SH3PXD2A: variants seen among roughly 807,000 people sequenced by gnomAD.
The protein encoded by SH3PXD2A is SH3 and PX domain-containing protein 2A.
A neutral mutation model predicts 115.2 loss-of-function variants in SH3PXD2A; 32 were observed. The observed-to-expected ratio is 0.28, with a 90% CI of 0.21 to 0.37. SH3PXD2A has a LOEUF of 0.37. Among genes scored for constraint, SH3PXD2A ranks in the 10% least tolerant of loss-of-function variants. The pLI is 1.00. For synonymous variants in SH3PXD2A, 610 were observed against 629.1 expected, an observed-to-expected ratio of 0.97 and a Z score of 0.45; for missense variants, 1,328 against 1,498.7, an observed-to-expected ratio of 0.89 and a Z score of 1.88.
intron 5 of SH3PXD2A, among the ~76,000 whole-genome samples, chr10:103,695,628 A>C (rs116236214): frequency 0.029 from 4,440 of 152,134 alleles, 213 homozygotes; most frequent in African/African-American, 0.1. Context: ...ATCATCTAGA[A>C]AGTGGTTAAA....
In SH3PXD2A at chr10:103,603,605, G is replaced by C. The variant is rs1318568970; in HGVS notation, c.1613C>G (p.Pro538Arg). 1 of 1,606,202 alleles carries C rather than the reference G, an allele frequency of 6.2e-7. No homozygotes were observed. The highest frequency in any genetic ancestry group is 1.7e-5 in the Admixed American group (1 of 59,302). The change falls in exon 15 of 15, where the codon CCT (proline) becomes CGT (arginine). Residue 538 changes from proline (P) to arginine (R), a missense_variant. Coordinates refer to ENST00000369774, the MANE Select transcript of SH3PXD2A (RefSeq NM_001394015.1). Reference protein sequence around the residue: ...PSKPKEAEEGPTGASESQDSP... With the variant: ...PSKPKEAEEGRTGASESQDSP... ...GTCCTGGCTCTCACTGGCCCCCGTA[G>C]GGCCCTCCTCGGCCTCCTTGGGCTT...
At chr10:103,769,134 C>CTGTGTG (rs67426639) in intron 2 of SH3PXD2A, among the ~76,000 whole-genome samples, 37 of 142,010 alleles carry the variant, frequency 2.6e-4, no homozygotes, top group Non-Finnish European at 4.1e-4. Context: ...AGGCTAGACT[C>CTGTGTG]TGTGTGTGTG....
chr10:103,710,047 A>T (rs2038029449), intron 5 of SH3PXD2A, among the ~76,000 whole-genome samples: 1 of 151,446 alleles, frequency 6.6e-6, no homozygotes, highest in South Asian at 2.1e-4. Flanking sequence ...GTGAGCTGAG[A>T]TCATGCCACT....
intron 6 of SH3PXD2A, among the ~76,000 whole-genome samples, chr10:103,676,264 A>G (rs769216434): frequency 6.6e-6 from 1 of 152,210 alleles, no homozygotes; most frequent in Non-Finnish European, 1.5e-5. Context: ...CCTGGAATCC[A>G]GAACACGTGT....
At chr10:103,801,120 C>T (rs999168654) in intron 2 of SH3PXD2A, among the ~76,000 whole-genome samples, 162 bp downstream of exon 2, 2 of 152,194 alleles carry the variant, frequency 1.3e-5, no homozygotes, top group Non-Finnish European at 2.9e-5. Flanking sequence ...AAGATTGAGA[C>T]GAGCCCAGCT....
chr10:103,687,937 C>T lies in SH3PXD2A; in HGVS notation c.427+5091G>A, dbSNP rs78962546. On this transcript the variant is annotated intron_variant, in intron 6 of 14. Coordinates refer to ENST00000369774, the MANE Select transcript of SH3PXD2A (RefSeq NM_001394015.1). ...GCCTTTGCACTTGCTGTGCCCTTGG[C>T]CTGGACTGCTCTTCCTCAGGTAACC... Among the ~76,000 whole-genome samples, 779 of 152,306 alleles carry T rather than the reference C, an allele frequency of 5.1e-3. 9 individuals are homozygous for T. The highest frequency in any genetic ancestry group is 0.018 in the African/African-American group (729 of 41,564).
intron 1 of SH3PXD2A, among the ~76,000 whole-genome samples, chr10:103,809,626 G>A (rs1483563960): frequency 6.6e-6 from 1 of 151,990 alleles, no homozygotes; most frequent in Non-Finnish European, 1.5e-5. Context: ...GCCTTTGTTT[G>A]CAGGAATCAT....
In SH3PXD2A at chr10:103,613,209, T is replaced by C; in HGVS notation, c.921-19A>G. 1.9e-6 allele frequency: 3 copies of C among 1,564,160 alleles called. No individual in the cohort carries two copies. Among genetic ancestry groups the C allele is most frequent in the Non-Finnish European group, 2.6e-6 (3 of 1,155,476 alleles). On this transcript the variant is annotated intron_variant, in intron 11 of 14. Coordinates refer to ENST00000369774, the MANE Select transcript of SH3PXD2A (RefSeq NM_001394015.1). ...CAGGTATCTGTGGGGAGGAGCAGGA[T>C]GTGCTATCATTAGAGCACTCTGACC...
chr10:103,826,958 CT>C (rs2039436131), intron 1 of SH3PXD2A, among the ~76,000 whole-genome samples: 1 of 152,154 alleles, frequency 6.6e-6, no homozygotes, highest in African/African-American at 2.4e-5. Flanking sequence ...GGAGGGATAA[CT>C]CGTAGAATGA....
chr10:103,706,973 G>A (rs1398866625), intron 5 of SH3PXD2A, among the ~76,000 whole-genome samples: 1 of 152,208 alleles, frequency 6.6e-6, no homozygotes, highest in Admixed American at 6.5e-5. Context: ...CACCTTGGTT[G>A]TCATGGAAAC....
In SH3PXD2A at chr10:103,655,013, C is replaced by T. The variant is rs116030293; in HGVS notation, c.604+5970G>A. Among the ~76,000 whole-genome samples, 914 of 152,320 alleles carry T rather than the reference C, an allele frequency of 6.0e-3. 8 individuals are homozygous for T. Among genetic ancestry groups the T allele is most frequent in the African/African-American group, 0.02 (849 of 41,570 alleles). Reference sequence around the variant, plus strand: ...CTGCCTCTGCTCCTGGCTTTATGCTCCCAGGCCCTTTCCCCTCCAGCCAGC... The same window carrying T: ...CTGCCTCTGCTCCTGGCTTTATGCTTCCAGGCCCTTTCCCCTCCAGCCAGC... On this transcript the variant is annotated intron_variant, in intron 8 of 14. Coordinates refer to ENST00000369774, the MANE Select transcript of SH3PXD2A (RefSeq NM_001394015.1).
At chr10:103,798,186 G>A (rs376200078) in intron 2 of SH3PXD2A, among the ~76,000 whole-genome samples, 5 of 152,248 alleles carry the variant, frequency 3.3e-5, no homozygotes, top group Admixed American at 6.5e-5. Context: ...GGAACCAAGG[G>A]TCTATCAAAG....
intron 1 of SH3PXD2A, among the ~76,000 whole-genome samples, chr10:103,822,810 C>T (rs2039394919): frequency 6.6e-6 from 1 of 152,206 alleles, no homozygotes; most frequent in Admixed American, 6.5e-5. Context: ...TAAGCATTTA[C>T]CAAAGAAGAA....
intron 1 of SH3PXD2A, among the ~76,000 whole-genome samples, chr10:103,825,649 C>T (rs977972182): frequency 2.6e-5 from 4 of 152,152 alleles, no homozygotes; most frequent in African/African-American, 9.7e-5. Flanking sequence ...AGCATAGAGT[C>T]CTGTGGCATG....
chr10:103,600,362 C>T lies in SH3PXD2A; in HGVS notation c.*1454G>A, dbSNP rs1247809692. ...ACTGGGGCACTGACCCTCGGGAAGACCAGGTTGGCTCCTGGCACAGGGATC... is the reference window on the plus strand; with the variant it reads ...ACTGGGGCACTGACCCTCGGGAAGATCAGGTTGGCTCCTGGCACAGGGATC... On this transcript the variant is annotated 3_prime_UTR_variant, in exon 15 of 15. Transcript: ENST00000369774. 1 of 152,370 alleles carries T rather than the reference C, an allele frequency of 6.6e-6. No individual in the cohort carries two copies. Among genetic ancestry groups the T allele is most frequent in the Non-Finnish European group, 1.5e-5 (1 of 68,070 alleles). 9.4% of individuals were successfully genotyped at this position (152,370 alleles called of 1,614,324 possible).
chr10:103,800,940 A>G (rs112715768), intron 2 of SH3PXD2A, among the ~76,000 whole-genome samples: 1 of 152,118 alleles, frequency 6.6e-6, no homozygotes, highest in Non-Finnish European at 1.5e-5. Flanking sequence ...CTTCTGTCTC[A>G]CCCTGGATGT....
In SH3PXD2A at chr10:103,602,030, A is replaced by T; in HGVS notation, c.3188T>A (p.Ile1063Asn). ...ATTGTGGATGAACTGAGACTTCTCG[A>T]TGGGCTTGGGGCGCACAGGGGACAC... ...IPVSPVRPKP[I>N]EKSQFIHNNL... is the part of the protein sequence containing the mutation. Residue 1063 changes from isoleucine (I) to asparagine (N), a missense_variant, in exon 15 of 15, where the codon ATC becomes AAC. Physicochemically the swap from Ile to Asn is moderately radical, Grantham distance 149. Coordinates refer to ENST00000369774, the MANE Select transcript of SH3PXD2A (RefSeq NM_001394015.1). The T allele has an allele frequency of 6.2e-7, 1 of 1,612,394 alleles. No homozygotes were observed. Among genetic ancestry groups the T allele is most frequent in the Non-Finnish European group, 8.5e-7 (1 of 1,179,066 alleles).
chr10:103,775,493 ACATCAGAGC>A (rs1157445584), intron 2 of SH3PXD2A, among the ~76,000 whole-genome samples: 1 of 152,154 alleles, frequency 6.6e-6, no homozygotes. Context: ...CTCAGAAGAG[ACATCAGAGC>A]CAGGCCTTGA....
chr10:103,810,975 C>CAT (rs1382692588), intron 1 of SH3PXD2A, among the ~76,000 whole-genome samples: 6 of 146,018 alleles, frequency 4.1e-5, no homozygotes, highest in Middle Eastern at 3.5e-3. Context: ...CACACACACA[C>CAT]ACACACACGG....
Sources: allele counts gnomAD v4.1 joint callset (sites outside exome capture counted in the v4.1 genomes callset), GRCh38; gene constraint gnomAD v4.1.1; transcripts MANE v1.5; gene names NCBI Gene and HGNC (gene_info 2026-07-23, HGNC 2026-07-21).